The following PPP6R1 variants were observed in gnomAD, a reference collection of about 807,000 sequenced individuals.
The protein encoded by PPP6R1 is serine/threonine-protein phosphatase 6 regulatory subunit 1.
Under a neutral mutation model 104.6 loss-of-function variants are expected in PPP6R1, and 39 were observed. The observed-to-expected ratio is 0.37, with a 90% CI of 0.29 to 0.49. The LOEUF is 0.49. Ranked by LOEUF, PPP6R1 falls within the 20% of genes least tolerant of loss-of-function variation. The probability of loss-of-function intolerance (pLI) is 0.98; values close to 1 mark genes in which losing one functional copy is unlikely to be tolerated. For missense variants in PPP6R1, 1,181 were observed against 1,155.8 expected (o/e 1.02, Z -0.32); for synonymous variants, 549 against 479.0 (o/e 1.15, Z -1.91).
intron 1 of PPP6R1, among the ~76,000 whole-genome samples, chr19:55,249,500 CA>C (rs1208734372): frequency 6.6e-6 from 1 of 152,046 alleles, no homozygotes; most frequent in East Asian, 2.0e-4. Context: ...CTGGGCCTCT[CA>C]AAGTGTTGGG....
Position 55,239,292 on chromosome 19 carries a change from C to G in PPP6R1, c.1751+113G>C, listed in dbSNP as rs562927290. The G allele has an allele frequency of 8.2e-6, 9 of 1,099,366 alleles. No individual in the cohort carries two copies. The African/African-American group carries it at 1.4e-4, about 17-fold the overall frequency. The allele number at this position is 1,099,366 out of a possible 1,614,324, so 68.1% of individuals were successfully genotyped here. A position where few individuals can be genotyped will look rare whatever the true frequency, so the allele number is the denominator to read the frequency against. On this transcript the variant is annotated intron_variant, in intron 15 of 23. Transcript: ENST00000412770. ...AACGCGTGCCCAGGAGGGGCCACAG[C>G]TGCAGGCTGAGCCCACAGGGCATGT...
chr19:55,245,913 G>C lies in PPP6R1; in HGVS notation c.228-235C>G, dbSNP rs1027694976. Among the ~76,000 whole-genome samples, 1 of 152,122 alleles carries C rather than the reference G, an allele frequency of 6.6e-6. No individual in the cohort carries two copies. Among genetic ancestry groups the C allele is most frequent in the Non-Finnish European group, 1.5e-5 (1 of 68,036 alleles). ...ATCCTAGGCTCCTTACCACCCCCAA[G>C]ACAAGCTGGTCCTGAAGCTCCTGCG... On this transcript the variant is annotated intron_variant, in intron 2 of 23. Coordinates refer to ENST00000412770, the MANE Select transcript of PPP6R1 (RefSeq NM_014931.4). This position sits in a 1 kb window ranked among gnomAD's most constrained non-coding sequence, Gnocchi z 6.4.
chr19:55,236,528 T>C (rs1440224857), intron 17 of PPP6R1, 115 bp downstream of exon 17: 2 of 1,194,400 alleles, frequency 1.7e-6, no homozygotes, highest in Non-Finnish European at 2.3e-6. Flanking sequence ...CACACACCAA[T>C]GCAGGTTCCT....
At chr19:55,244,014 C>T (rs551029641) in intron 5 of PPP6R1, among the ~76,000 whole-genome samples, 2 of 152,264 alleles carry the variant, frequency 1.3e-5, no homozygotes, top group South Asian at 2.1e-4. Flanking sequence ...AGCGCTGAAT[C>T]GTAAGCTTCG....
rs776855606 is a variant in PPP6R1 at position 55,232,048 on chromosome 19, A to C, written c.2125+27T>G. On this transcript the variant is annotated intron_variant, in intron 18 of 23. Coordinates refer to ENST00000412770, the MANE Select transcript of PPP6R1 (RefSeq NM_014931.4). The stretch of plus-strand genomic sequence containing the variant: ...GTAGCAGGCAGACAGCCCTGTGTAC[A>C]CCTGACCACACCGCCCATTCATTCA... The C allele has an allele frequency of 3.1e-6, 5 of 1,611,630 alleles. No homozygotes were observed. The African/African-American group carries it at 5.3e-5, about 17-fold the overall frequency.
chr19:55,240,279 C>G lies in PPP6R1; in HGVS notation c.1318G>C (p.Val440Leu), dbSNP rs761898297. Residue 440 changes from valine to leucine, a missense_variant, in exon 11 of 24, where the codon GTG (valine) becomes CTG (leucine). Physicochemically the swap from Val to Leu is conservative, Grantham distance 32. Around this residue, in one of 2 missense-constraint regions of PPP6R1, gnomAD observed 1,042 missense variants for 955.6 expected, o/e 1.09. Coordinates refer to ENST00000412770, the MANE Select transcript of PPP6R1 (RefSeq NM_014931.4). ...TCCCAGGACGTCAGGATCCGCTCCA[C>G]CAGGCGGCACTGCTGCAGCAGCTGC... ...VKHLLQQCRL[V>L]ERILTSWEEN... is the part of the protein sequence containing the mutation. 2.5e-6 allele frequency: 4 copies of G among 1,593,680 alleles called. No individual in the cohort carries two copies. The highest frequency in any genetic ancestry group is 3.4e-6 in the Non-Finnish European group (4 of 1,170,892).
At chr19:55,232,260 G>C in intron 17 of PPP6R1, 49 bp from the exon 18 acceptor site, 1 of 1,498,156 alleles carries the variant, frequency 6.7e-7, no homozygotes, top group Non-Finnish European at 8.9e-7. Context: ...CAGACCGGCC[G>C]ACACCCATCC....
At chr19:55,232,847 G>A (rs1003004867) in intron 17 of PPP6R1, 2 of 152,250 alleles carry the variant, frequency 1.3e-5, no homozygotes, top group Non-Finnish European at 2.9e-5. Context: ...CTAAAACTAA[G>A]CTTTAACAAC....
chr19:55,247,767 C>G lies in PPP6R1; in HGVS notation c.-6-658G>C, dbSNP rs143670378. ...GGCCGTTGCCTGGACACCACTCACA[C>G]ACAAACACACCCCAACCATCCTCTC... On this transcript the variant is annotated intron_variant, in intron 1 of 23. Transcript: ENST00000412770. Among the ~76,000 whole-genome samples, 5 of 152,296 alleles carry G rather than the reference C, an allele frequency of 3.3e-5. No homozygotes were observed. In the East Asian group the frequency reaches 9.7e-4, roughly 29 times the overall value.
chr19:55,244,898 C>T (rs1158684074), intron 5 of PPP6R1, among the ~76,000 whole-genome samples: 21 of 152,046 alleles, frequency 1.4e-4, no homozygotes, highest in Admixed American at 1.4e-3. Flanking sequence ...TGTGCAACAC[C>T]ACACTCAGCT....
chr19:55,232,486 T>C (rs2087358818), intron 17 of PPP6R1: 1 of 447,016 alleles, frequency 2.2e-6, no homozygotes, highest in African/African-American at 2.0e-5. Flanking sequence ...CCTGGGGAAG[T>C]GGGCTGAGCC....
In PPP6R1 at chr19:55,240,036, C is replaced by G; in HGVS notation, c.1440G>C (p.Lys480Asn). The change falls in exon 12 of 24, where the codon AAG becomes AAC. Residue 480 changes from lysine to asparagine, a missense_variant. Physicochemically the swap from Lys to Asn is moderately conservative, Grantham distance 94 (BLOSUM62 0). Coordinates refer to ENST00000412770, the MANE Select transcript of PPP6R1 (RefSeq NM_014931.4). ...GCCGCAGCTGCTCTGCATTGGGCCCCTTCTCCGTGTTCTGCACCAGGGCAC... is the reference window on the plus strand; with the variant it reads ...GCCGCAGCTGCTCTGCATTGGGCCCGTTCTCCGTGTTCTGCACCAGGGCAC... The part of the protein sequence containing the change: ...VAGALVQNTE[K>N]GPNAEQLRQL... The G allele has an allele frequency of 6.2e-7, 1 of 1,603,628 alleles. No homozygotes were observed. The highest frequency in any genetic ancestry group is 1.3e-5 in the African/African-American group (1 of 74,812).
In PPP6R1 at chr19:55,231,281, G is replaced by A. The variant is rs550838171; in HGVS notation, c.2459+129C>T. The A allele has an allele frequency of 7.7e-5, 87 of 1,129,896 alleles. 2 individuals carry two copies. In the South Asian group the frequency reaches 1.0e-3, roughly 13 times the overall value. The allele number at this position is 1,129,896 out of a possible 1,614,324, so 70.0% of individuals were successfully genotyped here. A position where few individuals can be genotyped will look rare whatever the true frequency, so the allele number is the denominator to read the frequency against. On this transcript the variant is annotated intron_variant, in intron 21 of 23. Coordinates refer to ENST00000412770, the MANE Select transcript of PPP6R1 (RefSeq NM_014931.4). ...AGTGCAAGGGGCTGGGGCACAACAT[G>A]AGGCTGCGCCTGGGGGTCCTGCAAA...
Position 55,242,500 on chromosome 19 carries a change from A to G in PPP6R1, c.619-12T>C. On this transcript the variant is annotated splice_polypyrimidine_tract_variant and intron_variant, in intron 5 of 23. Transcript: ENST00000412770. ...GCGTTGGAATGTTGCTGGAACGGGGAGAGACAGGTGAGGATCCTGGTCGGG... is the reference window on the plus strand; with the variant it reads ...GCGTTGGAATGTTGCTGGAACGGGGGGAGACAGGTGAGGATCCTGGTCGGG... The G allele has an allele frequency of 6.2e-7, 1 of 1,607,964 alleles. No individual in the cohort carries two copies. The highest frequency in any genetic ancestry group is 8.5e-7 in the Non-Finnish European group (1 of 1,174,570).
downstream of PPP6R1, chr19:55,228,866 C>A: frequency 1.0e-6 from 1 of 985,198 alleles, no homozygotes; most frequent in Non-Finnish European, 1.6e-6. Context: ...GATAACAGGG[C>A]CCAGGGAGAT....
chr19:55,239,755 G>A (rs8104509), intron 13 of PPP6R1, 71 bp downstream of exon 13: 1,426,461 of 1,586,478 alleles, frequency 0.9, 642,545 homozygotes, highest in East Asian at 0.95. Context: ...TATCGGTGGC[G>A]GTGGGAGGCT....
At chr19:55,244,465 G>A (rs2122654804) in intron 5 of PPP6R1, among the ~76,000 whole-genome samples, 1 of 152,290 alleles carries the variant, frequency 6.6e-6, no homozygotes, top group African/African-American at 2.4e-5. Context: ...GGACAGCAAG[G>A]GGTTCAATCA....
At chr19:55,239,093 A>T (rs1228013041) in intron 15 of PPP6R1, 1 of 371,612 alleles carries the variant, frequency 2.7e-6, no homozygotes, top group Non-Finnish European at 5.1e-6. Flanking sequence ...CCCGCCTGGA[A>T]CCCCTAAGGC....
intron 1 of PPP6R1, among the ~76,000 whole-genome samples, chr19:55,254,816 T>C (rs569913185): frequency 4.6e-5 from 7 of 152,170 alleles, no homozygotes; most frequent in Non-Finnish European, 1.0e-4. Context: ...CTCCCTCTAA[T>C]GTCCCCCAAG....
Sources: allele counts gnomAD v4.1 joint callset (sites outside exome capture counted in the v4.1 genomes callset), GRCh38; gene constraint gnomAD v4.1.1; regional missense constraint gnomAD v4.1.1; non-coding constraint Gnocchi (gnomAD v3.1); transcripts MANE v1.5; gene names NCBI Gene and HGNC (gene_info 2026-07-23, HGNC 2026-07-21).